The following CYTH3 variants were observed in gnomAD, a reference collection of about 807,000 sequenced individuals.
CYTH3 encodes cytohesin 3.
Under a neutral mutation model 55.1 loss-of-function variants are expected in CYTH3, and 23 were observed. That is an observed-to-expected ratio of 0.42 (90% CI 0.30 to 0.59). The LOEUF is 0.59. Ranked by LOEUF, CYTH3 falls within the 20% of genes least tolerant of loss-of-function variation. The pLI, the probability that CYTH3 is intolerant of heterozygous loss-of-function variation, is 0.20. For synonymous variants in CYTH3, 249 were observed against 194.9 expected, an observed-to-expected ratio of 1.28 and a Z score of -2.31; for missense variants, 413 against 524.8, an observed-to-expected ratio of 0.79 and a Z score of 2.08.
intron 4 of CYTH3, among the ~76,000 whole-genome samples, chr7:6,183,205 T>TG (rs1783551771): frequency 6.6e-6 from 1 of 152,260 alleles, no homozygotes; most frequent in Non-Finnish European, 1.5e-5. Context: ...CCCACAGTCC[T>TG]GTTCCCTGAA....
At chr7:6,196,116 G>C (rs1173644674) in intron 1 of CYTH3, among the ~76,000 whole-genome samples, 1 of 152,180 alleles carries the variant, frequency 6.6e-6, no homozygotes, top group Non-Finnish European at 1.5e-5. Flanking sequence ...TCTCTCAAGA[G>C]TGAGAAGTCT....
chr7:6,184,277 G>C (rs1432667838), intron 4 of CYTH3, among the ~76,000 whole-genome samples: 1 of 151,290 alleles, frequency 6.6e-6, no homozygotes, highest in African/African-American at 2.4e-5. Context: ...AGCCAGGATG[G>C]TCTCAATCTC....
chr7:6,218,888 C>A (rs1323996426), intron 1 of CYTH3, among the ~76,000 whole-genome samples: 1 of 151,826 alleles, frequency 6.6e-6, no homozygotes, highest in East Asian at 1.9e-4. Flanking sequence ...ACCTGTAGTC[C>A]CAGCTACTTG....
intron 1 of CYTH3, among the ~76,000 whole-genome samples, chr7:6,261,560 A>T (rs1174418718): frequency 2.6e-5 from 4 of 151,976 alleles, no homozygotes; most frequent in Non-Finnish European, 5.9e-5. Flanking sequence ...ACAAAAATAA[A>T]AAATAATTAG....
chr7:6,206,577 G>C (rs1223781319), intron 1 of CYTH3, among the ~76,000 whole-genome samples: 1 of 152,234 alleles, frequency 6.6e-6, no homozygotes, highest in Non-Finnish European at 1.5e-5. Flanking sequence ...AAAATAGCTT[G>C]AGTTCTAGGT....
At chr7:6,232,091 T>C (rs975867264) in intron 1 of CYTH3, among the ~76,000 whole-genome samples, 1 of 152,180 alleles carries the variant, frequency 6.6e-6, no homozygotes, top group African/African-American at 2.4e-5. Flanking sequence ...GCACCTTTTT[T>C]TGAATGGCTG....
chr7:6,164,990 T>C lies in CYTH3; in HGVS notation c.1154A>G (p.Tyr385Cys). The change falls in exon 13 of 13, where the codon TAT becomes TGT. Residue 385 changes from tyrosine to cysteine, a missense_variant. Transcript: ENST00000350796. ...TCGTTTCCTCGTTGCCAACATGTCA[T>C]AGAAGGGATCTCTGCTGATACTGGC... is the stretch of plus-strand genomic sequence containing the variant. ...IKASISRDPF[Y>C]DMLATRKRRI... The C allele has an allele frequency of 6.2e-7, 1 of 1,614,188 alleles. No homozygotes were observed. Among genetic ancestry groups the C allele is most frequent in the Non-Finnish European group, 8.5e-7 (1 of 1,180,028 alleles).
chr7:6,166,666 G>T (rs1230349800), intron 9 of CYTH3, among the ~76,000 whole-genome samples: 1 of 152,166 alleles, frequency 6.6e-6, no homozygotes, highest in Non-Finnish European at 1.5e-5. Context: ...GGCCTGGTTT[G>T]CAGAGACCCT....
chr7:6,249,469 G>A (rs1203329023), intron 1 of CYTH3, among the ~76,000 whole-genome samples: 1 of 152,224 alleles, frequency 6.6e-6, no homozygotes, highest in Non-Finnish European at 1.5e-5. Context: ...TCCCAGCACA[G>A]TGGCTTCGGA....
chr7:6,172,537 G>T (rs1783229135), intron 6 of CYTH3, among the ~76,000 whole-genome samples: 1 of 152,210 alleles, frequency 6.6e-6, no homozygotes, highest in Non-Finnish European at 1.5e-5. Context: ...CCTCAGGGCA[G>T]CTCCTCAGGC....
chr7:6,202,851 A>C (rs1211927168), intron 1 of CYTH3, among the ~76,000 whole-genome samples: 3 of 152,232 alleles, frequency 2.0e-5, no homozygotes, highest in African/African-American at 4.8e-5. Flanking sequence ...AGTGAAAAAA[A>C]GGAGTAAAGT....
chr7:6,198,282 G>A (rs908114045), intron 1 of CYTH3, among the ~76,000 whole-genome samples: 2 of 152,140 alleles, frequency 1.3e-5, no homozygotes, highest in African/African-American at 2.4e-5. Context: ...CAGTCTCTGC[G>A]GAGCTTCTAA....
intron 1 of CYTH3, among the ~76,000 whole-genome samples, chr7:6,256,873 GACA>G (rs569592692): frequency 4.9e-4 from 74 of 152,304 alleles, no homozygotes; most frequent in African/African-American, 1.7e-3. Flanking sequence ...AAGCTGGCGG[GACA>G]ACGTGTGGCG....
At chr7:6,263,642 T>C (rs1015645403) in intron 1 of CYTH3, among the ~76,000 whole-genome samples, 3 of 151,224 alleles carry the variant, frequency 2.0e-5, no homozygotes, top group African/African-American at 4.9e-5. Context: ...CTAAAAATAC[T>C]AAAAATTTAC....
intron 1 of CYTH3, among the ~76,000 whole-genome samples, chr7:6,268,909 C>A (rs1177081596): frequency 2.0e-5 from 3 of 152,104 alleles, no homozygotes; most frequent in African/African-American, 4.8e-5. Flanking sequence ...TTATCAAGAG[C>A]AAGCTGCTGT....
At chr7:6,253,673 G>T (rs746144688) in intron 1 of CYTH3, among the ~76,000 whole-genome samples, 1 of 152,080 alleles carries the variant, frequency 6.6e-6, no homozygotes, top group Non-Finnish European at 1.5e-5. Context: ...AAAATTAGCC[G>T]GGCGTGGTAG....
chr7:6,181,420 T>C (rs964376954), intron 4 of CYTH3, among the ~76,000 whole-genome samples: 14 of 152,236 alleles, frequency 9.2e-5, no homozygotes, highest in Admixed American at 3.3e-4. Flanking sequence ...TTTTAAATCA[T>C]GTTTCCTCAG....
chr7:6,165,900 C>T lies in CYTH3; in HGVS notation c.824-90G>A, dbSNP rs1035621951. The T allele has an allele frequency of 1.1e-5, 14 of 1,333,150 alleles. No individual in the cohort carries two copies. In the Admixed American group the frequency reaches 1.4e-4, roughly 13 times the overall value. 82.6% of individuals were successfully genotyped at this position (1,333,150 alleles called of 1,614,324 possible). ...GGCCCTGGACCTGCACAGACCACTG[C>T]GTTTTCAGAAAGGCCACCAGGCGCC... On this transcript the variant is annotated intron_variant, in intron 9 of 12. Coordinates refer to ENST00000350796, the MANE Select transcript of CYTH3 (RefSeq NM_004227.4).
chr7:6,181,464 A>G (rs1783500526), intron 4 of CYTH3, among the ~76,000 whole-genome samples: 1 of 152,136 alleles, frequency 6.6e-6, no homozygotes, highest in Admixed American at 6.5e-5. Context: ...CCTGTCTTTG[A>G]TCCAGCATCC....
Sources: allele counts gnomAD v4.1 joint callset (sites outside exome capture counted in the v4.1 genomes callset), GRCh38; gene constraint gnomAD v4.1.1; transcripts MANE v1.5; gene names NCBI Gene and HGNC (gene_info 2026-07-23, HGNC 2026-07-21).